Variants in PRKX observed in about 807,000 individuals in gnomAD.
PRKX encodes the protein protein kinase cAMP-dependent X-linked catalytic subunit.
PRKX carries 12 observed loss-of-function variants against 22.0 expected under a neutral mutation model. The ratio of observed to expected loss-of-function variants is 0.54; its 90% CI spans 0.35 to 0.88. The LOEUF (loss-of-function observed/expected upper bound fraction) is 0.88, where lower values mean the gene tolerates loss of function less well. Among genes scored for constraint, PRKX ranks in the 40% least tolerant of loss-of-function variants. The pLI is 0.01. For missense variants in PRKX, 217 were observed against 308.0 expected (o/e 0.70, Z 2.21); for synonymous variants, 134 against 137.7 (o/e 0.97, Z 0.19).
At chrX:3,628,809 G>A (rs1001174608) in intron 4 of PRKX, among the ~76,000 whole-genome samples, 16 of 111,171 alleles carry the variant, frequency 1.4e-4, no homozygotes, top group Non-Finnish European at 2.8e-4. Flanking sequence ...GAGAGGCTGA[G>A]GCAGGCAGGT....
chrX:3,685,500 A>C (rs1039183169), intron 1 of PRKX, among the ~76,000 whole-genome samples: 2 of 111,515 alleles, frequency 1.8e-5, no homozygotes, highest in Non-Finnish European at 3.8e-5. Flanking sequence ...CACTGGGTTT[A>C]AGTGAAATAA....
intron 1 of PRKX, among the ~76,000 whole-genome samples, chrX:3,685,267 C>T (rs754411973): frequency 9.3e-6 from 1 of 107,290 alleles, no homozygotes. Context: ...TTCCATCCTC[C>T]TTTCTCCCTT....
intron 3 of PRKX, among the ~76,000 whole-genome samples, chrX:3,644,885 A>C (rs780879934): frequency 1.6e-4 from 18 of 111,495 alleles, no homozygotes; most frequent in Non-Finnish European, 5.6e-5. Context: ...CAACTTCTCC[A>C]CTTACCTTTT....
chrX:3,642,400 A>G (rs1927097969), intron 3 of PRKX, among the ~76,000 whole-genome samples: 1 of 110,776 alleles, frequency 9.0e-6, no homozygotes, highest in Admixed American at 9.7e-5. Context: ...ACATGTTCTC[A>G]CTTGTATGTG....
At chrX:3,621,479 G>A (rs1261773965) in intron 5 of PRKX, among the ~76,000 whole-genome samples, 163 bp from the exon 6 acceptor site, 1 of 112,245 alleles carries the variant, frequency 8.9e-6, no homozygotes. Flanking sequence ...TACCATCACC[G>A]GCTCTTAAAT....
chrX:3,645,938 C>CATAAAAAA (rs1927178289), intron 3 of PRKX, among the ~76,000 whole-genome samples: 1 of 108,703 alleles, frequency 9.2e-6, no homozygotes, highest in African/African-American at 3.4e-5. Flanking sequence ...TATTCTGAAA[C>CATAAAAAA]ATAAAAAATG....
intron 1 of PRKX, among the ~76,000 whole-genome samples, chrX:3,710,386 T>C (rs1861736): frequency 0.44 from 48,633 of 110,838 alleles, 8,071 homozygotes; most frequent in Admixed American, 0.57. Flanking sequence ...TCTAGAACGC[T>C]GACAAGTTTC....
At chrX:3,698,804 T>G in intron 1 of PRKX, among the ~76,000 whole-genome samples, 1 of 108,808 alleles carries the variant, frequency 9.2e-6, no homozygotes, top group Middle Eastern at 4.7e-3. Context: ...TTGGCCAGGC[T>G]GGTCTCAAAC....
At chrX:3,625,169 G>A (rs974948281) in intron 5 of PRKX, among the ~76,000 whole-genome samples, 1 of 111,359 alleles carries the variant, frequency 9.0e-6, no homozygotes, top group Non-Finnish European at 1.9e-5. Context: ...TTTAAAGCCT[G>A]CCTCTTAGTG....
rs867798077 is a variant in PRKX, at chrX:3,607,959, C to T, written c.*1010G>A. 9.9e-6 allele frequency: 1 copy of T among 101,404 alleles called. No individual in the cohort carries two copies. Among genetic ancestry groups the T allele is most frequent in the Non-Finnish European group, 2.0e-5 (1 of 50,469 alleles). 8.4% of individuals were successfully genotyped at this position (101,404 alleles called of 1,213,427 possible). ...GCAGTGGTGTGATCTCGGATCACTG[C>T]GGCCTGGACCTCCCCAGGCTCAAGT... is the stretch of plus-strand genomic sequence containing the variant. On this transcript the variant is annotated 3_prime_UTR_variant, in exon 9 of 9. Coordinates refer to ENST00000262848, the MANE Select transcript of PRKX (RefSeq NM_005044.5).
At chrX:3,656,611 G>T (rs1927486356) in intron 2 of PRKX, among the ~76,000 whole-genome samples, 1 of 110,906 alleles carries the variant, frequency 9.0e-6, no homozygotes, top group African/African-American at 3.3e-5. Context: ...GACTCTACAG[G>T]TATAGACAGG....
chrX:3,707,776 T>C (rs1299578372), intron 1 of PRKX, among the ~76,000 whole-genome samples: 2 of 111,942 alleles, frequency 1.8e-5, no homozygotes, highest in Non-Finnish European at 3.8e-5. Flanking sequence ...ATTTGCGTGA[T>C]GCACTTAAAG....
chrX:3,659,886 G>A (rs1325703959), intron 2 of PRKX, among the ~76,000 whole-genome samples: 1 of 110,030 alleles, frequency 9.1e-6, no homozygotes, highest in Non-Finnish European at 1.9e-5. Context: ...CACCATGACC[G>A]GCTACTTTTG....
At chrX:3,704,047 A>T (rs1334010087) in intron 1 of PRKX, among the ~76,000 whole-genome samples, 1 of 111,354 alleles carries the variant, frequency 9.0e-6, no homozygotes, top group Non-Finnish European at 1.9e-5. Context: ...TTAAGATCCT[A>T]ATGGGGAAGC....
At chrX:3,689,452 G>A (rs1349000800) in intron 1 of PRKX, among the ~76,000 whole-genome samples, 1 of 112,144 alleles carries the variant, frequency 8.9e-6, no homozygotes, top group African/African-American at 3.2e-5. Flanking sequence ...GGGAGGCCAC[G>A]GAAGGACATC....
At chrX:3,682,158 G>A (rs1470287992) in intron 1 of PRKX, among the ~76,000 whole-genome samples, 1 of 110,360 alleles carries the variant, frequency 9.1e-6, no homozygotes, top group Non-Finnish European at 1.9e-5. Context: ...GAAGGACCGT[G>A]TCTCACTGCA....
At chrX:3,638,797 T>C (rs1168779540) in intron 4 of PRKX, among the ~76,000 whole-genome samples, 4 of 108,646 alleles carry the variant, frequency 3.7e-5, no homozygotes, top group Admixed American at 1.0e-4. Flanking sequence ...AGATAGATGA[T>C]TGATAGATGG....
intron 2 of PRKX, among the ~76,000 whole-genome samples, chrX:3,664,256 T>C (rs888545687): frequency 8.9e-6 from 1 of 111,840 alleles, no homozygotes; most frequent in Non-Finnish European, 1.9e-5. Context: ...TTTTCCTAGA[T>C]AGGGTCTCGC....
At chrX:3,647,369 CTG>C (rs1482212100) in intron 3 of PRKX, among the ~76,000 whole-genome samples, 11 of 105,213 alleles carry the variant, frequency 1.0e-4, no homozygotes, top group Non-Finnish European at 1.9e-5. Flanking sequence ...AAATATAAAA[CTG>C]TATCCATTTA....
Sources: gnomAD v4.1 joint callset for allele counts (sites outside exome capture counted in the v4.1 genomes callset) on GRCh38, gnomAD v4.1.1 for gene constraint, MANE v1.5 for transcripts, NCBI Gene and HGNC (gene_info 2026-07-23, HGNC 2026-07-21) for gene names.